KIF1A: variants seen among roughly 807,000 people sequenced by gnomAD.
KIF1A encodes kinesin-like protein KIF1A.
KIF1A carries 46 observed loss-of-function variants against 227.3 expected under a neutral mutation model. The observed-to-expected ratio is 0.20, with a 90% CI of 0.16 to 0.26. The LOEUF (loss-of-function observed/expected upper bound fraction) is 0.26. KIF1A is among the 10% of genes least tolerant of loss of function. The pLI is 1.00. For synonymous variants in KIF1A, 1,022 were observed against 1,012.8 expected, an observed-to-expected ratio of 1.01 and a Z score of -0.17; for missense variants, 1,683 against 2,485.9, an observed-to-expected ratio of 0.68 and a Z score of 6.87.
chr2:240,772,618 G>A (rs2052161393), intron 13 of KIF1A, 22 bp from the exon 14 acceptor site: 1 of 1,530,012 alleles, frequency 6.5e-7, no homozygotes, highest in East Asian at 2.5e-5. Context: ...GGAAGCGTGG[G>A]GGAGGGGGAG....
intron 40 of KIF1A, 121 bp from the exon 41 acceptor site, chr2:240,724,157 G>C: frequency 1.2e-6 from 1 of 841,802 alleles, no homozygotes; most frequent in East Asian, 2.5e-5. Flanking sequence ...GGGTGATGGG[G>C]TGTTGAGGTC....
Position 240,792,953 on chromosome 2 carries a change from A to G in KIF1A, c.107-3641T>C, listed in dbSNP as rs2055904960. Among the ~76,000 whole-genome samples the G allele has an allele frequency of 6.6e-6, 1 of 152,168 alleles. No individual in the cohort carries two copies. The highest frequency in any genetic ancestry group is 1.5e-5 in the Non-Finnish European group (1 of 68,024). ...TTGGACTTCCGCCTCCAGACTGCGG[A>G]GAAGGGAACATATGCTGTTTAAGAC... On this transcript the variant is annotated intron_variant, in intron 2 of 48. Coordinates refer to ENST00000498729, the MANE Select transcript of KIF1A (RefSeq NM_001244008.2). The surrounding 1 kb of genome is among the most constrained non-coding windows in gnomAD (Gnocchi z 4.5).
At position 240,745,853 on chromosome 2, in the gene KIF1A, G is replaced by A. The variant is rs143037290; in HGVS notation, c.3259C>T (p.Pro1087Ser). The change falls in exon 31 of 49, where the codon CCC becomes TCC. Residue 1087 changes from proline to serine, a missense_variant. Around this residue, in one of 12 missense-constraint regions of KIF1A, gnomAD observed 759 missense variants for 1,020.2 expected, o/e 0.74. Transcript: ENST00000498729. ...AGGTGGTCCAGGGCAGCATCCAGGG[G>A]CCCATCCAGGGCGGCTTTCTCAGAG... ...DSSEKAALDGPLDAALDHLRL... is the reference protein window; with the variant it reads ...DSSEKAALDGSLDAALDHLRL... The A allele has an allele frequency of 4.5e-3, 7,277 of 1,612,358 alleles. 30 individuals carry two copies. Among genetic ancestry groups the A allele is most frequent in the Middle Eastern group, 7.9e-3 (48 of 6,058 alleles).
chr2:240,785,594 G>C (rs1174880351), intron 6 of KIF1A, among the ~76,000 whole-genome samples: 1 of 152,190 alleles, frequency 6.6e-6, no homozygotes, highest in Non-Finnish European at 1.5e-5. Context: ...AGTTGGTCCT[G>C]ATGCCACCCT....
intron 2 of KIF1A, among the ~76,000 whole-genome samples, chr2:240,795,040 C>A (rs1487471566): frequency 6.6e-6 from 1 of 152,206 alleles, no homozygotes; most frequent in Non-Finnish European, 1.5e-5. Context: ...TGTAACCCCA[C>A]AGACATTTAA....
rs2045904215 is a variant in KIF1A, at chr2:240,725,472, CT to C, written c.4123-69del. The C allele has an allele frequency of 6.4e-7, 1 of 1,556,856 alleles. No homozygotes were observed. Among genetic ancestry groups the C allele is most frequent in the East Asian group, 2.3e-5 (1 of 43,660 alleles). ...AGTGCCCAGGTGCCCTTCCAGCCTT[CT>C]CCTGGGGGCACAATGCCCAGCACCG... On this transcript the variant is annotated intron_variant, in intron 39 of 48. Transcript: ENST00000498729. This position sits in a 1 kb window ranked among gnomAD's most constrained non-coding sequence, Gnocchi z 5.8.
At chr2:240,767,155 G>T in intron 18 of KIF1A, 111 bp downstream of exon 18, 1 of 1,134,712 alleles carries the variant, frequency 8.8e-7, no homozygotes, top group Non-Finnish European at 1.3e-6. Flanking sequence ...GGTCGCTGGG[G>T]AAGTCCAAAC....
intron 28 of KIF1A, 82 bp from the exon 29 acceptor site, chr2:240,747,403 G>T: frequency 9.3e-7 from 1 of 1,077,346 alleles, no homozygotes; most frequent in Non-Finnish European, 1.4e-6. Flanking sequence ...GGGCCACCCC[G>T]CAGTCAAAGT....
intron 27 of KIF1A, among the ~76,000 whole-genome samples, chr2:240,755,237 G>C (rs1432568729): frequency 6.6e-6 from 1 of 152,250 alleles, no homozygotes; most frequent in African/African-American, 2.4e-5. Context: ...GCAGAACACA[G>C]GAGGCCAGTG....
Position 240,747,256 on chromosome 2 carries a change from C to T in KIF1A, c.3043G>A (p.Asp1015Asn), listed in dbSNP as rs1559497087. The T allele has an allele frequency of 3.1e-6, 5 of 1,613,488 alleles. No homozygotes were observed. Among genetic ancestry groups the T allele is most frequent in the Non-Finnish European group, 4.2e-6 (5 of 1,179,606 alleles). ...RQSGTAKISFDDQHFEKFQSE... is the reference protein window; with the variant it reads ...RQSGTAKISFNDQHFEKFQSE... The stretch of plus-strand genomic sequence containing the variant: ...GGTACCTTTTCAAAATGCTGGTCAT[C>T]AAAGGAGATTTTAGCAGTTCCCGAC... Residue 1015 changes from aspartate (D) to asparagine (N), a missense_variant, in exon 29 of 49, where the codon GAT becomes AAT. By Grantham distance (23) the Asp-to-Asn change is conservative. Transcript: ENST00000498729.
intron 1 of KIF1A, among the ~76,000 whole-genome samples, chr2:240,817,538 G>C (rs1414446320): frequency 1.3e-5 from 2 of 152,232 alleles, no homozygotes; most frequent in South Asian, 2.1e-4. Context: ...CTCACTGATA[G>C]ATGTGCACGG....
Position 240,793,452 on chromosome 2 carries a change from G to A in KIF1A, c.107-4140C>T, listed in dbSNP as rs1471631628. 6.6e-6 allele frequency among the ~76,000 whole-genome samples: 1 copy of A among 152,190 alleles called. No homozygotes were observed. Among genetic ancestry groups the A allele is most frequent in the East Asian group, 1.9e-4 (1 of 5,200 alleles). On this transcript the variant is annotated intron_variant, in intron 2 of 48. Transcript: ENST00000498729. The surrounding 1 kb of genome is among the most constrained non-coding windows in gnomAD (Gnocchi z 4.8). ...GGAACTCACTTCAGGGGCCGCACATGGCTGAGGGTCCGCGTCCCCAGCCAG... is the reference window on the plus strand; with the variant it reads ...GGAACTCACTTCAGGGGCCGCACATAGCTGAGGGTCCGCGTCCCCAGCCAG...
Position 240,723,660 on chromosome 2 carries a change from G to C in KIF1A, c.4319-102C>G, listed in dbSNP as rs188632591. 7.7e-5 allele frequency: 102 copies of C among 1,327,926 alleles called. 2 individuals are homozygous for C. The East Asian group carries it at 2.3e-3, about 30-fold the overall frequency. The allele number at this position is 1,327,926 out of a possible 1,614,324, so 82.3% of individuals were successfully genotyped here. ...TCTGTGAAGCTGTCTCCCCTCTGGA[G>C]TGGAGATGGGCTTCCCCTGGTCCTT... is the stretch of plus-strand genomic sequence containing the variant. On this transcript the variant is annotated intron_variant, in intron 41 of 48. Transcript: ENST00000498729.
At chr2:240,742,871 C>G (rs577445166) in intron 34 of KIF1A, 58 bp downstream of exon 34, 62 of 1,467,690 alleles carry the variant, frequency 4.2e-5, no homozygotes, top group Non-Finnish European at 5.5e-5. Context: ...CAGCCCACTA[C>G]AGCACCCACA....
intron 4 of KIF1A, among the ~76,000 whole-genome samples, chr2:240,787,621 C>T (rs542106357): frequency 6.6e-6 from 1 of 152,268 alleles, no homozygotes; most frequent in Admixed American, 6.5e-5. Context: ...GTGACCAACT[C>T]ACGTCCAGAG....
At chr2:240,732,074 G>A (rs1345509931) in intron 38 of KIF1A, among the ~76,000 whole-genome samples, 1 of 73,904 alleles carries the variant, frequency 1.4e-5, no homozygotes, top group Admixed American at 1.3e-4. Context: ...GAGGAGGGAA[G>A]GAGGAAGAGG....
intron 1 of KIF1A, among the ~76,000 whole-genome samples, chr2:240,799,510 C>G (rs141930677): frequency 6.6e-6 from 1 of 152,162 alleles, no homozygotes; most frequent in African/African-American, 2.4e-5. Context: ...TTAGAGCCAC[C>G]AGGTGCAGCC....
At position 240,719,049 on chromosome 2, in the gene KIF1A, G is replaced by C; in HGVS notation, c.5171C>G (p.Thr1724Ser). 1 of 1,612,084 alleles carries C rather than the reference G, an allele frequency of 6.2e-7. No individual in the cohort carries two copies. The highest frequency in any genetic ancestry group is 8.5e-7 in the Non-Finnish European group (1 of 1,179,418). The change falls in exon 47 of 49, where the codon ACT becomes AGT. Residue 1724 changes from threonine (T) to serine (S), a missense_variant. Physicochemically the swap from Thr to Ser is moderately conservative, Grantham distance 58 (BLOSUM62 1). Around this residue, in one of 12 missense-constraint regions of KIF1A, gnomAD observed 384 missense variants for 410.1 expected, o/e 0.94. Transcript: ENST00000498729. ...TVERFVLNLA[T>S]AQVEYSEDQQ... ...GTCCTCACTGTACTCCACCTGGGCAGTGGCCAGGTTGAGCACGAACCGCTC... is the reference window on the plus strand; with the variant it reads ...GTCCTCACTGTACTCCACCTGGGCACTGGCCAGGTTGAGCACGAACCGCTC...
intron 44 of KIF1A, among the ~76,000 whole-genome samples, 191 bp from the exon 45 acceptor site, chr2:240,721,229 C>T (rs563093592): frequency 1.3e-5 from 2 of 152,166 alleles, no homozygotes; most frequent in African/African-American, 4.8e-5. Context: ...GGCCCCTGGC[C>T]GGCCCCTCCC....
Sources: allele counts gnomAD v4.1 joint callset (sites outside exome capture counted in the v4.1 genomes callset), GRCh38; gene constraint gnomAD v4.1.1; regional missense constraint gnomAD v4.1.1; non-coding constraint Gnocchi (gnomAD v3.1); transcripts MANE v1.5; gene names NCBI Gene and HGNC (gene_info 2026-07-23, HGNC 2026-07-21).